The following TTC39A variants were observed in gnomAD, a reference collection of about 807,000 sequenced individuals.
TTC39A encodes the protein tetratricopeptide repeat protein 39A.
A neutral mutation model predicts 82.3 loss-of-function variants in TTC39A; 46 were observed. That is an observed-to-expected ratio of 0.56 (90% confidence interval 0.44 to 0.71). The LOEUF (loss-of-function observed/expected upper bound fraction) is 0.71. Among genes scored for constraint, TTC39A ranks in the 30% least tolerant of loss-of-function variants. TTC39A has a pLI of 0.00. For missense variants in TTC39A, 543 were observed against 712.9 expected (o/e 0.76, Z 2.71); for synonymous variants, 254 against 275.2 (o/e 0.92, Z 0.76).
intron 1 of TTC39A, chr1:51,322,251 C>A: frequency 6.7e-7 from 1 of 1,485,978 alleles, no homozygotes; most frequent in Non-Finnish European, 9.0e-7. Flanking sequence ...CCTCCTCCCT[C>A]CCCCAGGCCT....
At chr1:51,322,118 C>G (rs374205666) in intron 1 of TTC39A, 104 of 1,552,490 alleles carry the variant, frequency 6.7e-5, no homozygotes, top group Middle Eastern at 6.7e-4. Context: ...ATGATCTTAC[C>G]CTCCACAAGG....
Position 51,313,138 on chromosome 1 carries a change from C to T in TTC39A, c.147-195G>A, listed in dbSNP as rs557120792. Among the ~76,000 whole-genome samples, 7 of 152,330 alleles carry T rather than the reference C, an allele frequency of 4.6e-5. No individual in the cohort carries two copies. The South Asian group carries it at 1.4e-3, about 32-fold the overall frequency. ...GACCTCGGATTCTGTTTCCAGCTTG[C>T]CTTCTTCCTGCTGAGTGGCCCTAAG... On this transcript the variant is annotated intron_variant, in intron 2 of 17. Coordinates refer to ENST00000680483, the MANE Select transcript of TTC39A (RefSeq NM_001297663.2).
intron 1 of TTC39A, among the ~76,000 whole-genome samples, chr1:51,324,098 A>T (rs1397237017): frequency 1.3e-5 from 2 of 152,186 alleles, no homozygotes; most frequent in African/African-American, 4.8e-5. Context: ...AGGACCACAA[A>T]GGTAGTGGTG....
chr1:51,323,661 C>T lies in TTC39A; in HGVS notation c.42-1836G>A, dbSNP rs140264475. On this transcript the variant is annotated intron_variant, in intron 1 of 17. Transcript: ENST00000680483. ...TCTTTCATTAGGTGTGTCTGACCTG[C>T]TACTTATCCTACCTACTGAATTTTT... Among the ~76,000 whole-genome samples, 348 of 152,276 alleles carry T rather than the reference C, an allele frequency of 2.3e-3. 9 individuals carry two copies. The highest frequency in any genetic ancestry group is 7.8e-3 in the African/African-American group (325 of 41,560).
chr1:51,326,573 G>A (rs751976502), intron 1 of TTC39A, among the ~76,000 whole-genome samples: 1 of 152,138 alleles, frequency 6.6e-6, no homozygotes, highest in Non-Finnish European at 1.5e-5. Context: ...TATTTAAATT[G>A]ATGACTGCAT....
intron 4 of TTC39A, 114 bp downstream of exon 4, chr1:51,312,005 G>T: frequency 1.8e-6 from 2 of 1,136,160 alleles, no homozygotes; most frequent in South Asian, 1.5e-5. Context: ...GTCCTGGCAT[G>T]GACACCAGGG....
intron 1 of TTC39A, among the ~76,000 whole-genome samples, chr1:51,323,952 A>C (rs1402727743): frequency 6.6e-6 from 1 of 152,144 alleles, no homozygotes; most frequent in Non-Finnish European, 1.5e-5. Context: ...TTACAAATTC[A>C]TGTTTGACAG....
At position 51,290,096 on chromosome 1, in the gene TTC39A, C is replaced by G; in HGVS notation, c.1402G>C (p.Glu468Gln). 1 of 1,613,882 alleles carries G rather than the reference C, an allele frequency of 6.2e-7. No individual in the cohort carries two copies. The highest frequency in any genetic ancestry group is 8.5e-7 in the Non-Finnish European group (1 of 1,179,862). ...CCTTTCAACAATTTCACCAAGCACT[C>G]GTCATCCACTGAGTACTCGTTCTCT... ...GPENEYSVDD[E>Q]CLVKLLKGLC... Residue 468 changes from glutamate (E) to glutamine (Q), a missense_variant, in exon 16 of 18, where the codon GAG (glutamate) becomes CAG (glutamine). Coordinates refer to ENST00000680483, the MANE Select transcript of TTC39A (RefSeq NM_001297663.2).
At chr1:51,330,684 C>T, upstream of TTC39A, 1 of 938,200 alleles carries the variant, frequency 1.1e-6, no homozygotes, top group Non-Finnish European at 1.3e-6. This position sits in a 1 kb window ranked among gnomAD's most constrained non-coding sequence, Gnocchi z 4.5. Context: ...GCGACCCGCG[C>T]TCCCGCACCG....
In TTC39A at chr1:51,321,771, G is replaced by A; in HGVS notation, c.96C>T (p.Asp32=). ...EALDQCMTAL[D]LFLTNQFSEA... ...CTGAGAACTGGTTGGTGAGGAAGAG[G>A]TCCAGGGCGGTCATGCACTGGTCCA... Residue 32 remains aspartate, a synonymous_variant, in exon 2 of 18, where the codon GAC becomes GAT. Transcript: ENST00000680483. The surrounding 1 kb of genome is among the most constrained non-coding windows in gnomAD (Gnocchi z 4.6). 1.2e-6 allele frequency: 2 copies of A among 1,613,966 alleles called. No individual in the cohort carries two copies. The highest frequency in any genetic ancestry group is 1.7e-6 in the Non-Finnish European group (2 of 1,179,874).
intron 14 of TTC39A, among the ~76,000 whole-genome samples, chr1:51,293,969 T>C (rs1017228340): frequency 6.6e-6 from 1 of 152,240 alleles, no homozygotes; most frequent in Non-Finnish European, 1.5e-5. Flanking sequence ...TAGCAAGTGC[T>C]CGATAACGAT....
At chr1:51,344,332 G>A (rs1189139779) in intron 1 of TTC39A, among the ~76,000 whole-genome samples, 15 of 152,252 alleles carry the variant, frequency 9.9e-5, no homozygotes, top group Non-Finnish European at 1.5e-5. Context: ...GTAAATATGC[G>A]GGGAGGGCTG....
At position 51,307,925 on chromosome 1, in the gene TTC39A, T is replaced by C. The variant is rs368241135; in HGVS notation, c.488+1336A>G. On this transcript the variant is annotated intron_variant, in intron 6 of 17. Coordinates refer to ENST00000680483, the MANE Select transcript of TTC39A (RefSeq NM_001297663.2). Reference sequence around the variant, plus strand: ...CCATCGCCATGAATTCTTTTCCTCCTGTAAAAGTAAAACTTTATTCTCTGT... The same window carrying C: ...CCATCGCCATGAATTCTTTTCCTCCCGTAAAAGTAAAACTTTATTCTCTGT... Among the ~76,000 whole-genome samples the C allele has an allele frequency of 2.0e-5, 3 of 152,148 alleles. No homozygotes were observed. In the East Asian group the frequency reaches 5.8e-4, roughly 29 times the overall value.
At chr1:51,315,393 G>A (rs1217742515) in intron 2 of TTC39A, among the ~76,000 whole-genome samples, 1 of 152,198 alleles carries the variant, frequency 6.6e-6, no homozygotes, top group Non-Finnish European at 1.5e-5. Context: ...ATATCATCTA[G>A]GCCGCTAGTC....
chr1:51,309,366 C>T, intron 5 of TTC39A, 41 bp from the exon 6 acceptor site: 1 of 1,612,250 alleles, frequency 6.2e-7, no homozygotes, highest in African/African-American at 1.3e-5. Context: ...CCCAGGTGGG[C>T]AGCTGCAGGC....
intron 5 of TTC39A, among the ~76,000 whole-genome samples, chr1:51,310,638 AG>A (rs1645047400): frequency 6.6e-6 from 1 of 152,176 alleles, no homozygotes. Context: ...TTCAGGCAAA[AG>A]CATGCAGTGA....
At chr1:51,307,333 G>T (rs1644907603) in intron 6 of TTC39A, among the ~76,000 whole-genome samples, 1 of 152,102 alleles carries the variant, frequency 6.6e-6, no homozygotes, top group Non-Finnish European at 1.5e-5. Context: ...AGGCCTCCAA[G>T]GTAACATGAT....
At chr1:51,301,491 A>G in intron 12 of TTC39A, 81 bp downstream of exon 12, 1 of 1,475,006 alleles carries the variant, frequency 6.8e-7, no homozygotes, top group Non-Finnish European at 9.2e-7. Flanking sequence ...ATCTGTGTTC[A>G]GTTAGGGATT....
chr1:51,287,937 G>A lies in TTC39A; in HGVS notation c.*220C>T, dbSNP rs1412036371. Reference sequence around the variant, plus strand: ...AAGTACCCGTATGTGTGATAGGGCAGGCAGAGGGCTCCACCTGCTCTGCCC... The same window carrying A: ...AAGTACCCGTATGTGTGATAGGGCAAGCAGAGGGCTCCACCTGCTCTGCCC... On this transcript the variant is annotated 3_prime_UTR_variant, in exon 18 of 18. Transcript: ENST00000680483. The A allele has an allele frequency of 1.7e-6, 1 of 588,216 alleles. No homozygotes were observed. The highest frequency in any genetic ancestry group is 2.9e-5 in the East Asian group (1 of 34,446). 36.4% of individuals were successfully genotyped at this position (588,216 alleles called of 1,614,324 possible).
Sources: allele counts gnomAD v4.1 joint callset (sites outside exome capture counted in the v4.1 genomes callset), GRCh38; gene constraint gnomAD v4.1.1; non-coding constraint Gnocchi (gnomAD v3.1); transcripts MANE v1.5; gene names NCBI Gene and HGNC (gene_info 2026-07-23, HGNC 2026-07-21).